The following ZFYVE9 variants were observed in gnomAD, a reference collection of about 807,000 sequenced individuals.
The protein encoded by ZFYVE9 is zinc finger FYVE-type containing 9, also known as zinc finger FYVE domain-containing protein 9.
In ZFYVE9, 43 loss-of-function variants were observed where a neutral mutation model predicts 126.7. The ratio of observed to expected loss-of-function variants is 0.34; its 90% CI spans 0.27 to 0.44. The LOEUF is 0.44. Among genes scored for constraint, ZFYVE9 ranks in the 20% least tolerant of loss-of-function variants. ZFYVE9 has a pLI of 1.00. For missense variants in ZFYVE9, 1,476 were observed against 1,697.0 expected (o/e 0.87, Z 2.29); for synonymous variants, 521 against 597.4 (o/e 0.87, Z 1.87).
chr1:52,238,663 A>G lies in ZFYVE9; in HGVS notation c.1246A>G (p.Asn416Asp). 2 of 1,614,118 alleles carry G rather than the reference A, an allele frequency of 1.2e-6. No homozygotes were observed. The highest frequency in any genetic ancestry group is 8.5e-7 in the Non-Finnish European group (1 of 1,179,976). The change falls in exon 4 of 19, where the codon AAC (asparagine) becomes GAC (aspartate). Residue 416 changes from asparagine (N) to aspartate (D), a missense_variant. Around this residue, in one of 2 missense-constraint regions of ZFYVE9, gnomAD observed 807 missense variants for 794.6 expected, o/e 1.02. Coordinates refer to ENST00000287727, the MANE Select transcript of ZFYVE9 (RefSeq NM_004799.4). ...KLNEMNDSQV[N>D]EEKEKFLQIS... Reference sequence around the variant, plus strand: ...AAATGAGATGAATGATAGCCAAGTAAACGAAGAAAAGGAAAAGTTTCTACA... The same window carrying G: ...AAATGAGATGAATGATAGCCAAGTAGACGAAGAAAAGGAAAAGTTTCTACA...
intron 1 of ZFYVE9, among the ~76,000 whole-genome samples, chr1:52,195,521 G>A (rs1003554501): frequency 6.6e-5 from 10 of 152,178 alleles, no homozygotes; most frequent in African/African-American, 2.4e-4. Context: ...CCCTCTTGTA[G>A]TATACATCTT....
chr1:52,335,756 C>T (rs1646382589), intron 15 of ZFYVE9, among the ~76,000 whole-genome samples: 1 of 152,148 alleles, frequency 6.6e-6, no homozygotes, highest in Non-Finnish European at 1.5e-5. Context: ...GGAGATATGA[C>T]CATTTATGGA....
At chr1:52,199,915 G>A (rs684606) in intron 1 of ZFYVE9, among the ~76,000 whole-genome samples, 147,200 of 152,300 alleles carry the variant, frequency 0.97, 71,153 homozygotes, top group East Asian at 1. Flanking sequence ...TTTAATTTGT[G>A]TTTTCCTTAT....
At chr1:52,236,030 T>G (rs1457577566) in intron 3 of ZFYVE9, among the ~76,000 whole-genome samples, 2 of 152,186 alleles carry the variant, frequency 1.3e-5, no homozygotes, top group African/African-American at 4.8e-5. Flanking sequence ...TGAGTTGTTT[T>G]GCTTATAATT....
At chr1:52,262,564 A>G (rs1645589594) in intron 4 of ZFYVE9, among the ~76,000 whole-genome samples, 1 of 152,242 alleles carries the variant, frequency 6.6e-6, no homozygotes, top group African/African-American at 2.4e-5. Flanking sequence ...TAAACTGATA[A>G]CAGTCATAGT....
intron 1 of ZFYVE9, among the ~76,000 whole-genome samples, chr1:52,200,689 G>A (rs1029248836): frequency 6.6e-6 from 1 of 152,056 alleles, no homozygotes; most frequent in Non-Finnish European, 1.5e-5. Context: ...AAGGTATAGG[G>A]GTCTGTGTCT....
intron 1 of ZFYVE9, among the ~76,000 whole-genome samples, chr1:52,214,802 G>A (rs1293398484): frequency 6.6e-6 from 1 of 152,074 alleles, no homozygotes; most frequent in Non-Finnish European, 1.5e-5. Context: ...AGACTAGAGG[G>A]CCAATGATGT....
At chr1:52,337,039 C>T (rs1170042328) in intron 15 of ZFYVE9, among the ~76,000 whole-genome samples, 1 of 150,090 alleles carries the variant, frequency 6.7e-6, no homozygotes, top group East Asian at 2.0e-4. Flanking sequence ...GTTTATGTGT[C>T]TGGCTTGGGA....
At chr1:52,275,230 TTTTTTG>T (rs1261914341) in intron 8 of ZFYVE9, among the ~76,000 whole-genome samples, 5 of 152,286 alleles carry the variant, frequency 3.3e-5, no homozygotes, top group Middle Eastern at 3.4e-3. Flanking sequence ...TGGGTAATTT[TTTTTTG>T]TTTTTGTTTT....
rs1481576911 is a variant in ZFYVE9 at position 52,238,813 on chromosome 1, A to C, written c.1396A>C (p.Ile466Leu). Residue 466 changes from isoleucine (I) to leucine (L), a missense_variant, in exon 4 of 19, where the codon ATA becomes CTA. Around this residue, in one of 2 missense-constraint regions of ZFYVE9, gnomAD observed 807 missense variants for 794.6 expected, o/e 1.02. Coordinates refer to ENST00000287727, the MANE Select transcript of ZFYVE9 (RefSeq NM_004799.4). ...TGAAGAATGTGATTTCTCCACTGTT[A>C]TAGACACACCAGCAGCAAATTATCT... is the stretch of plus-strand genomic sequence containing the variant. ...ESEECDFSTV[I>L]DTPAANYLSN... 1.9e-6 allele frequency: 3 copies of C among 1,614,022 alleles called. No homozygotes were observed. Among genetic ancestry groups the C allele is most frequent in the South Asian group, 2.2e-5 (2 of 91,088 alleles).
rs1330642099 is a variant in ZFYVE9, at chr1:52,346,525, T to TC, written c.*306dup. On this transcript the variant is annotated 3_prime_UTR_variant, in exon 19 of 19. Transcript: ENST00000287727. ...GTTACTGTTTAGACAAGAATTCCGC[T>TC]CCTCTCTCAAGATTTACTTATGGTC... 2 of 409,608 alleles carry TC rather than the reference T, an allele frequency of 4.9e-6. No individual in the cohort carries two copies. Among genetic ancestry groups the TC allele is most frequent in the East Asian group, 7.0e-5 (2 of 28,750 alleles). The allele number at this position is 409,608 out of a possible 1,614,324, so 25.4% of individuals were successfully genotyped here.
At chr1:52,226,767 C>G (rs1303187186) in intron 2 of ZFYVE9, among the ~76,000 whole-genome samples, 1 of 152,178 alleles carries the variant, frequency 6.6e-6, no homozygotes, top group Non-Finnish European at 1.5e-5. Flanking sequence ...AAAGGCGGGA[C>G]AATTCAAAGC....
chr1:52,277,126 A>T (rs187980720), intron 8 of ZFYVE9, among the ~76,000 whole-genome samples: 414 of 152,344 alleles, frequency 2.7e-3, no homozygotes, highest in African/African-American at 8.8e-3. Flanking sequence ...TATTTTAATA[A>T]ATCTTAGATT....
intron 13 of ZFYVE9, among the ~76,000 whole-genome samples, chr1:52,320,792 A>G (rs1356294439): frequency 6.6e-6 from 1 of 152,210 alleles, no homozygotes. Context: ...GTGCCTTTTT[A>G]TGAGTATATG....
chr1:52,336,701 T>A (rs1047619874), intron 15 of ZFYVE9, among the ~76,000 whole-genome samples: 2 of 152,050 alleles, frequency 1.3e-5, no homozygotes, highest in East Asian at 3.8e-4. Flanking sequence ...CTAAAGCAAC[T>A]AGTTAAAGCC....
intron 1 of ZFYVE9, among the ~76,000 whole-genome samples, chr1:52,215,925 C>T (rs1645068220): frequency 6.6e-6 from 1 of 152,006 alleles, no homozygotes; most frequent in Admixed American, 6.6e-5. Context: ...ATAAAAATCA[C>T]AACTGGAAAC....
Position 52,317,397 on chromosome 1 carries a change from CTG to C in ZFYVE9, c.3438+13474_3438+13475del, listed in dbSNP as rs1305096413. Among the ~76,000 whole-genome samples, 4 of 151,428 alleles carry C rather than the reference CTG, an allele frequency of 2.6e-5. No homozygotes were observed. In the East Asian group the frequency reaches 7.7e-4, roughly 29 times the overall value. ...ATTATCCGGGCATGATGGTGCGTGT[CTG>C]TAATCCCAGGAGGTGGAGGTTGCGG... On this transcript the variant is annotated intron_variant, in intron 13 of 18. Transcript: ENST00000287727.
intron 7 of ZFYVE9, among the ~76,000 whole-genome samples, chr1:52,271,594 A>T (rs1455196913): frequency 6.6e-6 from 1 of 152,144 alleles, no homozygotes; most frequent in Admixed American, 6.6e-5. Context: ...GTAGAGACCA[A>T]CTGACCACTT....
At chr1:52,321,520 G>A (rs1357688980) in intron 13 of ZFYVE9, among the ~76,000 whole-genome samples, 1 of 152,192 alleles carries the variant, frequency 6.6e-6, no homozygotes, top group Non-Finnish European at 1.5e-5. Context: ...GAATCCTCAA[G>A]AAGAAGCCCA....
Sources: gnomAD v4.1 joint callset for allele counts (sites outside exome capture counted in the v4.1 genomes callset) on GRCh38, gnomAD v4.1.1 for gene constraint, gnomAD v4.1.1 regional missense constraint, MANE v1.5 for transcripts, NCBI Gene and HGNC (gene_info 2026-07-23, HGNC 2026-07-21) for gene names.